TLE1: variants seen among roughly 807,000 people sequenced by gnomAD.
The protein encoded by TLE1 is transducin-like enhancer protein 1.
In TLE1, 21 loss-of-function variants were observed where a neutral mutation model predicts 89.8. The observed-to-expected ratio is 0.23, with a 90% CI of 0.17 to 0.34. The LOEUF is 0.34. Ranked by LOEUF, TLE1 falls within the 10% of genes least tolerant of loss-of-function variation. The pLI is 1.00. For synonymous variants in TLE1, 447 were observed against 407.6 expected (o/e 1.10, Z -1.16); for missense variants, 795 against 1,031.2 (o/e 0.77, Z 3.14).
At chr9:81,621,002 G>T (rs1345955551) in intron 8 of TLE1, 8 of 369,990 alleles carry the variant, frequency 2.2e-5, no homozygotes, top group Non-Finnish European at 4.3e-5. Context: ...AGGAAGCGGT[G>T]GGATTAACAG....
At chr9:81,653,434 A>T (rs1829794267) in intron 5 of TLE1, among the ~76,000 whole-genome samples, 2 of 152,250 alleles carry the variant, frequency 1.3e-5, no homozygotes, top group Admixed American at 1.3e-4. Context: ...TCCCTCAAAG[A>T]ATGTTAAGAT....
intron 8 of TLE1, among the ~76,000 whole-genome samples, chr9:81,630,157 G>A (rs913059056): frequency 6.6e-6 from 1 of 151,860 alleles, no homozygotes; most frequent in Non-Finnish European, 1.5e-5. Flanking sequence ...ACAGTAAGGA[G>A]TTCGTCTTAT....
chr9:81,654,364 A>G (rs891821633), intron 4 of TLE1, among the ~76,000 whole-genome samples: 1 of 151,240 alleles, frequency 6.6e-6, no homozygotes, highest in Non-Finnish European at 1.5e-5. Context: ...TTTTTGAGAC[A>G]GAGTCTTGCT....
intron 4 of TLE1, among the ~76,000 whole-genome samples, chr9:81,658,083 T>C (rs1470839210): frequency 6.6e-6 from 1 of 151,738 alleles, no homozygotes; most frequent in Non-Finnish European, 1.5e-5. Flanking sequence ...GCTAATTTTT[T>C]GTATTTTTAG....
rs779634427 is a variant in TLE1, at chr9:81,634,259, G to C, written c.415C>G (p.Pro139Ala). Residue 139 changes from proline (P) to alanine (A), a missense_variant, in exon 7 of 20, where the codon CCC becomes GCC. Coordinates refer to ENST00000376499, the MANE Select transcript of TLE1 (RefSeq NM_005077.5). ...QAQHLSHGHG[P>A]PVPLTPHPSG... ...GGGTGAGGCGTAAGGGGAACTGGGG[G>C]TCCGTGGCCATGAGAAAGATGCTGA... 18 of 1,561,862 alleles carry C rather than the reference G, an allele frequency of 1.2e-5. No individual in the cohort carries two copies. The highest frequency in any genetic ancestry group is 2.3e-5 in the East Asian group (1 of 43,194).
rs779252862 is a variant in TLE1 at position 81,585,486 on chromosome 9, TC to T, written c.2128+18del. ...TTTGGGCCATCAACGGCCTCCAGTT[TC>T]CTTTCGGCTGAACTCACCACAGTAA... On this transcript the variant is annotated intron_variant, in intron 18 of 19. Transcript: ENST00000376499. The T allele has an allele frequency of 6.9e-6, 11 of 1,602,506 alleles. No individual in the cohort carries two copies. In the East Asian group the frequency reaches 2.0e-4, roughly 29 times the overall value.
At position 81,688,202 on chromosome 9, in the gene TLE1, C is replaced by A. The variant is rs1217632319; in HGVS notation, c.24+15G>T. ...AACGATCCTGGCCCCCCACCACCAC[C>A]CAGCCGCGCCTCACCGGGTGCCGGC... On this transcript the variant is annotated intron_variant, in intron 1 of 19. Coordinates refer to ENST00000376499, the MANE Select transcript of TLE1 (RefSeq NM_005077.5). 3 of 1,598,624 alleles carry A rather than the reference C, an allele frequency of 1.9e-6. No individual in the cohort carries two copies. The highest frequency in any genetic ancestry group is 2.2e-5 in the South Asian group (2 of 90,274).
intron 6 of TLE1, among the ~76,000 whole-genome samples, chr9:81,645,769 T>A (rs528286084): frequency 1.3e-5 from 2 of 151,874 alleles, no homozygotes; most frequent in East Asian, 1.9e-4. Flanking sequence ...TAAAATAAAA[T>A]AAAAATAAAT....
chr9:81,614,081 T>C (rs1408119464), intron 11 of TLE1, among the ~76,000 whole-genome samples: 1 of 151,998 alleles, frequency 6.6e-6, no homozygotes, highest in Non-Finnish European at 1.5e-5. Flanking sequence ...CTAATTTTTT[T>C]GTATTTTTAG....
intron 8 of TLE1, among the ~76,000 whole-genome samples, chr9:81,627,897 G>A (rs1025395641): frequency 2.0e-5 from 3 of 152,052 alleles, no homozygotes; most frequent in Admixed American, 1.3e-4. Context: ...TTCCATAACC[G>A]CCTGTGTAAT....
At chr9:81,643,186 T>C (rs1026160997) in intron 6 of TLE1, among the ~76,000 whole-genome samples, 2 of 152,060 alleles carry the variant, frequency 1.3e-5, no homozygotes, top group East Asian at 1.9e-4. Flanking sequence ...ATAACGGTAT[T>C]GTATACTTGA....
At chr9:81,678,509 TTAG>T (rs1192720009) in intron 4 of TLE1, among the ~76,000 whole-genome samples, 3 of 152,178 alleles carry the variant, frequency 2.0e-5, no homozygotes, top group Non-Finnish European at 4.4e-5. Context: ...GGCTTGCAAC[TTAG>T]TAATTATTAA....
At position 81,687,523 on chromosome 9, in the gene TLE1, CAT is replaced by C. The variant is rs562456973; in HGVS notation, c.25-91_25-90del. On this transcript the variant is annotated intron_variant, in intron 1 of 19. Transcript: ENST00000376499. Reference sequence around the variant, plus strand: ...TCAGAGAAGGCAAGAACGGGTGGGACATAAACATAAAGTTAGAAGTGGCTGAA... The same window carrying C: ...TCAGAGAAGGCAAGAACGGGTGGGACAAACATAAAGTTAGAAGTGGCTGAA... The C allele has an allele frequency of 1.6e-4, 156 of 966,090 alleles. 1 individual carries two copies. The African/African-American group carries it at 2.1e-3, about 13-fold the overall frequency. The allele number at this position is 966,090 out of a possible 1,614,324, so 59.8% of individuals were successfully genotyped here. A position where few individuals can be genotyped will look rare whatever the true frequency, so the allele number is the denominator to read the frequency against.
At chr9:81,664,453 T>C (rs541023649) in intron 4 of TLE1, among the ~76,000 whole-genome samples, 1 of 152,326 alleles carries the variant, frequency 6.6e-6, no homozygotes, top group South Asian at 2.1e-4. Context: ...TGCTCACCAA[T>C]AGCTCATGAA....
intron 14 of TLE1, chr9:81,600,054 T>C: frequency 2.8e-6 from 2 of 725,422 alleles, no homozygotes; most frequent in South Asian, 1.5e-5. Context: ...TTCTAGGACC[T>C]AACTTCCTCT....
intron 16 of TLE1, among the ~76,000 whole-genome samples, chr9:81,590,164 G>A (rs546354371): frequency 2.1e-5 from 3 of 145,866 alleles, no homozygotes; most frequent in African/African-American, 7.3e-5. Context: ...GAACAGCTCT[G>A]GTGTGAGCAC....
At chr9:81,616,781 T>C (rs1393161341) in intron 9 of TLE1, 82 bp from the exon 10 acceptor site, 3 of 1,542,656 alleles carry the variant, frequency 1.9e-6, no homozygotes, top group African/African-American at 1.4e-5. Flanking sequence ...CTATAGTTCC[T>C]GGTAGCAGAC....
At chr9:81,594,367 T>C (rs568511646) in intron 14 of TLE1, among the ~76,000 whole-genome samples, 53 of 152,050 alleles carry the variant, frequency 3.5e-4, no homozygotes, top group Middle Eastern at 6.9e-3. Flanking sequence ...AAAGGATGAG[T>C]TCATGTCCCT....
At chr9:81,638,791 A>G (rs1039389627) in intron 6 of TLE1, among the ~76,000 whole-genome samples, 2 of 151,470 alleles carry the variant, frequency 1.3e-5, no homozygotes, top group Non-Finnish European at 2.9e-5. Context: ...CGCCCAGCTA[A>G]TTTTTGTATT....
Sources: gnomAD v4.1 joint callset for allele counts (sites outside exome capture counted in the v4.1 genomes callset) on GRCh38, gnomAD v4.1.1 for gene constraint, MANE v1.5 for transcripts, NCBI Gene and HGNC (gene_info 2026-07-23, HGNC 2026-07-21) for gene names.